Variants in DAB1 observed in about 807,000 individuals in gnomAD.
The protein encoded by DAB1 is DAB adaptor protein 1.
Under a neutral mutation model 64.6 loss-of-function variants are expected in DAB1, and 15 were observed. The ratio of observed to expected loss-of-function variants is 0.23; its 90% CI spans 0.16 to 0.36. DAB1 has a LOEUF of 0.36. DAB1 is among the 10% of genes least tolerant of loss of function. The pLI, the probability that DAB1 is intolerant of heterozygous loss-of-function variation, is 1.00. For missense variants in DAB1, 596 were observed against 706.7 expected, an observed-to-expected ratio of 0.84 and a Z score of 1.78; for synonymous variants, 235 against 251.9, an observed-to-expected ratio of 0.93 and a Z score of 0.64.
rs1184308270 is a variant in DAB1, at chr1:58,197,727, GAGAT to G, written n.310-47143_310-47140del. On this transcript the variant is annotated intron_variant and non_coding_transcript_variant, in intron 4 of 20. Transcript: ENST00000485760. ...ACTTTTTTTTTTTTTTTTGAGGACA[GAGAT>G]AGAACATACAAGAAAAGCATGATCA... Among the ~76,000 whole-genome samples, 4 of 142,322 alleles carry G rather than the reference GAGAT, an allele frequency of 2.8e-5. No homozygotes were observed. The East Asian group carries it at 6.0e-4, about 22-fold the overall frequency. The allele number at this position is 142,322 out of a possible 152,430, so 93.4% of individuals were successfully genotyped here. A position where few individuals can be genotyped will look rare whatever the true frequency, so the allele number is the denominator to read the frequency against.
chr1:58,471,992 G>T (rs934199248), intron 3 of DAB1, among the ~76,000 whole-genome samples: 1 of 152,146 alleles, frequency 6.6e-6, no homozygotes, highest in South Asian at 2.1e-4. Flanking sequence ...GTGCAAAATT[G>T]GATAATATAT....
intron 4 of DAB1, among the ~76,000 whole-genome samples, chr1:58,291,361 G>T (rs943117007): frequency 1.3e-5 from 2 of 152,128 alleles, no homozygotes; most frequent in African/African-American, 4.8e-5. Flanking sequence ...CTTCAAGACA[G>T]GTGCTCCATG....
intron 1 of DAB1, among the ~76,000 whole-genome samples, chr1:57,408,872 T>C (rs116123542): frequency 0.011 from 1,694 of 152,274 alleles, 29 homozygotes; most frequent in African/African-American, 0.038. Flanking sequence ...AAGTTGATCT[T>C]AACCACATTT....
At chr1:57,211,546 C>G (rs1468400640) in intron 2 of DAB1, among the ~76,000 whole-genome samples, 1 of 152,112 alleles carries the variant, frequency 6.6e-6, no homozygotes, top group African/African-American at 2.4e-5. Context: ...ACCACTTAAC[C>G]CTTGTGTCTC....
chr1:58,304,667 G>A (rs1662265584), intron 4 of DAB1, among the ~76,000 whole-genome samples: 1 of 152,140 alleles, frequency 6.6e-6, no homozygotes, highest in Non-Finnish European at 1.5e-5. Flanking sequence ...GCTGTCCATT[G>A]CTGCTCTACA....
At chr1:57,520,938 G>A (rs546907057) in intron 7 of DAB1, among the ~76,000 whole-genome samples, 7 of 152,002 alleles carry the variant, frequency 4.6e-5, no homozygotes, top group Non-Finnish European at 8.8e-5. Context: ...TTGGGAAGAC[G>A]TGTGGCCATG....
intron 1 of DAB1, among the ~76,000 whole-genome samples, chr1:58,539,962 G>A (rs1026232404): frequency 2.0e-5 from 3 of 152,126 alleles, no homozygotes; most frequent in African/African-American, 7.2e-5. Context: ...GAGTTCTGCA[G>A]AGAATCCCCC....
At chr1:57,977,123 T>G (rs954345709) in intron 5 of DAB1, among the ~76,000 whole-genome samples, 1 of 152,186 alleles carries the variant, frequency 6.6e-6, no homozygotes, top group African/African-American at 2.4e-5. Context: ...CAGGTTACAA[T>G]GCTTGTTTCT....
intron 5 of DAB1, among the ~76,000 whole-genome samples, chr1:57,923,055 T>C (rs758724018): frequency 2.1e-5 from 3 of 146,250 alleles, no homozygotes; most frequent in Non-Finnish European, 1.5e-5. Context: ...ATTTAGAAAA[T>C]GGAGAGAGAG....
In DAB1 at chr1:57,520,971, A is replaced by T. The variant is rs189323686; in HGVS notation, n.625+128621T>A. Among the ~76,000 whole-genome samples the T allele has an allele frequency of 5.8e-4, 89 of 152,176 alleles. 1 individual carries two copies. Among genetic ancestry groups the T allele is most frequent in the Non-Finnish European group, 4.6e-4 (31 of 68,020 alleles). On this transcript the variant is annotated intron_variant and non_coding_transcript_variant, in intron 7 of 20. Coordinates refer to the DAB1 transcript ENST00000485760. ...ATGAAAGGTAATGTCTTTTTCCAGG[A>T]ACTAGAAGAAACCACATTTAGTAGC...
At chr1:58,445,251 G>A (rs1645052942) in intron 3 of DAB1, among the ~76,000 whole-genome samples, 1 of 152,228 alleles carries the variant, frequency 6.6e-6, no homozygotes, top group South Asian at 2.1e-4. Flanking sequence ...AATTTCTAGT[G>A]CATGGTAAAT....
At chr1:57,122,212 C>A (rs989100343) in intron 4 of DAB1, among the ~76,000 whole-genome samples, 4 of 152,154 alleles carry the variant, frequency 2.6e-5, no homozygotes, top group Admixed American at 2.0e-4. Context: ...GCTGTTTACT[C>A]GGCTGCTAGA....
intron 4 of DAB1, among the ~76,000 whole-genome samples, chr1:57,133,229 C>G (rs1657786333): frequency 6.6e-6 from 1 of 152,124 alleles, no homozygotes; most frequent in Admixed American, 6.6e-5. Flanking sequence ...TGCCCTTCAT[C>G]CTAAGAAACA....
intron 2 of DAB1, among the ~76,000 whole-genome samples, chr1:57,289,920 G>C (rs1386713953): frequency 6.6e-6 from 1 of 152,122 alleles, no homozygotes; most frequent in Non-Finnish European, 1.5e-5. Flanking sequence ...GAAAAACATG[G>C]TCCTAAAGCC....
At chr1:57,667,440 A>C (rs1046489969) in intron 6 of DAB1, among the ~76,000 whole-genome samples, 1 of 151,946 alleles carries the variant, frequency 6.6e-6, no homozygotes, top group African/African-American at 2.4e-5. Flanking sequence ...TTTTTTAGTT[A>C]ATTATTTGTT....
At chr1:57,065,556 C>T (rs1650823087) in intron 8 of DAB1, among the ~76,000 whole-genome samples, 1 of 152,184 alleles carries the variant, frequency 6.6e-6, no homozygotes. Flanking sequence ...GTATCCACAG[C>T]TATAAATATT....
chr1:58,000,222 A>G (rs550627468), intron 5 of DAB1, among the ~76,000 whole-genome samples: 5 of 152,328 alleles, frequency 3.3e-5, no homozygotes, highest in Non-Finnish European at 7.3e-5. Context: ...TCAGTGTATC[A>G]TACTTAGTGC....
At chr1:58,356,164 C>T (rs1410660151) in intron 3 of DAB1, among the ~76,000 whole-genome samples, 1 of 152,218 alleles carries the variant, frequency 6.6e-6, no homozygotes, top group African/African-American at 2.4e-5. Flanking sequence ...CTGCATTATT[C>T]ATTTGGTGCT....
intron 1 of DAB1, among the ~76,000 whole-genome samples, chr1:58,535,636 G>T (rs1646505093): frequency 6.7e-6 from 1 of 149,986 alleles, no homozygotes; most frequent in South Asian, 2.1e-4. Flanking sequence ...TGCCAAAGCT[G>T]TCAAGTGAGG....
Sources: allele counts gnomAD v4.1 joint callset (sites outside exome capture counted in the v4.1 genomes callset), GRCh38; gene constraint gnomAD v4.1.1; transcripts MANE v1.5; gene names NCBI Gene and HGNC (gene_info 2026-07-23, HGNC 2026-07-21).